The following PCDH15 variants were observed in gnomAD, a reference collection of about 807,000 sequenced individuals.
The protein encoded by PCDH15 is protocadherin related 15, also known as protocadherin-15.
PCDH15 carries 129 observed loss-of-function variants against 178.5 expected under a neutral mutation model. The ratio of observed to expected loss-of-function variants is 0.72; its 90% CI spans 0.63 to 0.84. The LOEUF is 0.84. Ranked by LOEUF, PCDH15 falls within the 40% of genes least tolerant of loss-of-function variation. The pLI is 0.00. For missense variants in PCDH15, 2,230 were observed against 2,099.9 expected, an observed-to-expected ratio of 1.06 and a Z score of -1.21; for synonymous variants, 800 against 732.0, an observed-to-expected ratio of 1.09 and a Z score of -1.50.
At chr10:54,145,292 T>C (rs1367933706) in intron 14 of PCDH15, among the ~76,000 whole-genome samples, 2 of 152,078 alleles carry the variant, frequency 1.3e-5, no homozygotes, top group Non-Finnish European at 2.9e-5. Context: ...TTTTCTATTA[T>C]ATATGTCAAT....
chr10:55,255,542 T>G (rs1841972078), intron 1 of PCDH15, among the ~76,000 whole-genome samples: 1 of 152,194 alleles, frequency 6.6e-6, no homozygotes, highest in Non-Finnish European at 1.5e-5. Context: ...ACTTCCACAA[T>G]GGTTGAACTA....
intron 1 of PCDH15, among the ~76,000 whole-genome samples, chr10:55,242,912 T>C (rs1457419712): frequency 2.0e-5 from 3 of 152,142 alleles, no homozygotes; most frequent in Non-Finnish European, 4.4e-5. Flanking sequence ...TCACAACTTA[T>C]AATAGGTTGA....
chr10:55,193,827 T>A (rs948754677), intron 1 of PCDH15, among the ~76,000 whole-genome samples: 1 of 152,044 alleles, frequency 6.6e-6, no homozygotes, highest in East Asian at 1.9e-4. Context: ...ATTATATATA[T>A]CCCAGAGGTT....
intron 13 of PCDH15, among the ~76,000 whole-genome samples, chr10:54,154,866 T>C (rs1334955882): frequency 6.6e-6 from 1 of 152,140 alleles, no homozygotes; most frequent in Admixed American, 6.6e-5. Flanking sequence ...GACAGACATA[T>C]TCCTAAAGGC....
intron 2 of PCDH15, among the ~76,000 whole-genome samples, chr10:55,614,138 A>G (rs2132163026): frequency 6.6e-6 from 1 of 152,070 alleles, no homozygotes; most frequent in Non-Finnish European, 1.5e-5. Context: ...AAAAGTAACA[A>G]AACTCTTTTC....
intron 1 of PCDH15, among the ~76,000 whole-genome samples, chr10:55,171,467 T>G (rs1839329473): frequency 6.6e-6 from 1 of 152,062 alleles, no homozygotes; most frequent in African/African-American, 2.4e-5. Context: ...TCTAGTAACT[T>G]CATTCAGCTT....
At chr10:53,831,901 T>G (rs1424370068) in intron 29 of PCDH15, among the ~76,000 whole-genome samples, 1 of 152,274 alleles carries the variant, frequency 6.6e-6, no homozygotes, top group African/African-American at 2.4e-5. Context: ...ATTTATGCAT[T>G]TTATCTCCTT....
intron 2 of PCDH15, among the ~76,000 whole-genome samples, chr10:55,583,786 A>G (rs1842670006): frequency 6.6e-6 from 1 of 152,198 alleles, no homozygotes; most frequent in Admixed American, 6.6e-5. Flanking sequence ...ACATAAATGC[A>G]ATCTTTTCAC....
At chr10:55,390,440 CTGTAGCATATAATGA>C (rs1215011287) in intron 2 of PCDH15, among the ~76,000 whole-genome samples, 1 of 152,122 alleles carries the variant, frequency 6.6e-6, no homozygotes, top group East Asian at 1.9e-4. Flanking sequence ...AAAGATTTCT[CTGTAGCATATAATGA>C]CGTTTGATAG....
intron 5 of PCDH15, among the ~76,000 whole-genome samples, chr10:54,357,711 T>C (rs1478057676): frequency 2.0e-5 from 3 of 152,092 alleles, no homozygotes; most frequent in African/African-American, 7.2e-5. Context: ...GCCAAGTCAA[T>C]CCTAAGCCAA....
intron 8 of PCDH15, among the ~76,000 whole-genome samples, chr10:54,312,119 T>C (rs955333387): frequency 6.6e-6 from 1 of 152,074 alleles, no homozygotes; most frequent in African/African-American, 2.4e-5. Flanking sequence ...CTGACATTAA[T>C]GGTTAGCTTT....
At chr10:54,622,862 C>A (rs1051192392) in intron 2 of PCDH15, among the ~76,000 whole-genome samples, 3 of 143,134 alleles carry the variant, frequency 2.1e-5, no homozygotes, top group Admixed American at 7.6e-5. Flanking sequence ...GTTTCTATTG[C>A]CATCAGTGTC....
chr10:53,858,803 G>A (rs996672199), intron 27 of PCDH15, among the ~76,000 whole-genome samples: 1 of 152,088 alleles, frequency 6.6e-6, no homozygotes, highest in Non-Finnish European at 1.5e-5. Flanking sequence ...CTTCACTAGC[G>A]AACTAGCGAA....
intron 2 of PCDH15, among the ~76,000 whole-genome samples, chr10:55,410,083 T>G (rs1488933110): frequency 6.6e-6 from 1 of 152,136 alleles, no homozygotes; most frequent in African/African-American, 2.4e-5. Context: ...GGATAACTAT[T>G]ATGCTTTTGT....
intron 2 of PCDH15, among the ~76,000 whole-genome samples, chr10:54,985,286 A>G (rs1281198660): frequency 6.6e-6 from 1 of 152,170 alleles, no homozygotes; most frequent in East Asian, 1.9e-4. Context: ...ACTCTCAATA[A>G]AAAGGGATAG....
chr10:55,087,219 A>C (rs1313192693), intron 2 of PCDH15, among the ~76,000 whole-genome samples: 1 of 152,164 alleles, frequency 6.6e-6, no homozygotes, highest in Non-Finnish European at 1.5e-5. Context: ...ATGGAAGAAT[A>C]TTTAGTCAAT....
At chr10:55,074,816 C>T (rs1841839566) in intron 2 of PCDH15, among the ~76,000 whole-genome samples, 1 of 152,038 alleles carries the variant, frequency 6.6e-6, no homozygotes, top group African/African-American at 2.4e-5. Context: ...ATGCTATTGC[C>T]TAGATTTTCT....
chr10:54,410,712 A>G (rs34848756), intron 3 of PCDH15, among the ~76,000 whole-genome samples: 42,907 of 152,016 alleles, frequency 0.28, 7,520 homozygotes, highest in Middle Eastern at 0.41. Flanking sequence ...CCTCCTGAAG[A>G]TACAATAAGA....
intron 3 of PCDH15, among the ~76,000 whole-genome samples, chr10:54,850,715 A>C (rs941575111): frequency 1.3e-5 from 2 of 149,664 alleles, no homozygotes; most frequent in Admixed American, 1.3e-4. Flanking sequence ...TGAAATGCCA[A>C]AGTTTTGGTT....
Sources: gnomAD v4.1 joint callset for allele counts (sites outside exome capture counted in the v4.1 genomes callset) on GRCh38, gnomAD v4.1.1 for gene constraint, MANE v1.5 for transcripts, NCBI Gene and HGNC (gene_info 2026-07-23, HGNC 2026-07-21) for gene names.